The following NRSN2 variants were observed in gnomAD, a reference collection of about 807,000 sequenced individuals.
The protein encoded by NRSN2 is neurensin-2.
NRSN2 carries 10 observed loss-of-function variants against 11.1 expected under a neutral mutation model. The ratio of observed to expected loss-of-function variants is 0.90; its 90% CI spans 0.56 to 1.53. The LOEUF is 1.53. Among genes scored for constraint, NRSN2 ranks in the 40% most tolerant of loss-of-function variants. The pLI is 0.00. For synonymous variants in NRSN2, 100 were observed against 117.0 expected (o/e 0.86, Z 0.94); for missense variants, 260 against 273.7 (o/e 0.95, Z 0.35).
chr20:349,198 T>C (rs2092473), intron 2 of NRSN2, 51 bp from the exon 3 acceptor site: 15,234 of 155,368 alleles, frequency 0.098, 827 homozygotes, highest in Admixed American at 0.12. Flanking sequence ...TTCTCAGCAT[T>C]AGACACAGTA....
chr20:349,979 T>C (rs2013799343), intron 4 of NRSN2, 147 bp downstream of exon 4: 3 of 591,046 alleles, frequency 5.1e-6, no homozygotes, highest in Admixed American at 6.9e-5. Context: ...TTCAAATGGG[T>C]TTAAATAATG....
intron 3 of NRSN2, 128 bp downstream of exon 3, chr20:349,491 A>G (rs553129299): frequency 1.6e-6 from 1 of 608,900 alleles, no homozygotes; most frequent in Admixed American, 3.2e-5. Flanking sequence ...TGGGATTCCA[A>G]AAGGCCAGAC....
At chr20:350,646 C>CAAAAAAAAAA (rs56188179) in intron 4 of NRSN2, among the ~76,000 whole-genome samples, 221 of 39,386 alleles carry the variant, frequency 5.6e-3, no homozygotes, top group Non-Finnish European at 6.5e-3. Flanking sequence ...GACTCTGTCT[C>CAAAAAAAAAA]AAAAAAAAAA....
rs776873208 is a variant in NRSN2, at chr20:349,652, G to A, written c.9G>A (p.Pro3=). The change falls in exon 4 of 5, where the codon CCG becomes CCA. Residue 3 remains proline (P), a synonymous_variant. Transcript: ENST00000382285. MM[P]SCNRSCSCSR... is the part of the protein sequence containing the mutation. ...CTGCTCCCCAGGGGTCCATGATGCC[G>A]AGCTGCAATCGTTCCTGCAGCTGCA... 4.3e-6 allele frequency: 7 copies of A among 1,610,754 alleles called. No homozygotes were observed. The highest frequency in any genetic ancestry group is 1.7e-5 in the Admixed American group (1 of 59,934).
At chr20:353,050 C>T (rs1437544088) in intron 4 of NRSN2, among the ~76,000 whole-genome samples, 160 bp from the exon 5 acceptor site, 1 of 152,086 alleles carries the variant, frequency 6.6e-6, no homozygotes, top group Non-Finnish European at 1.5e-5. Flanking sequence ...CAGTTTATGC[C>T]TCCTGTCAGT....
Position 354,469 on chromosome 20 carries a change from G to A in NRSN2, c.*834G>A, listed in dbSNP as rs1206827950. The A allele has an allele frequency of 2.0e-5, 3 of 152,338 alleles. No individual in the cohort carries two copies. In the East Asian group the frequency reaches 5.8e-4, roughly 29 times the overall value. 9.4% of individuals were successfully genotyped at this position (152,338 alleles called of 1,614,324 possible). A position where few individuals can be genotyped will look rare whatever the true frequency, so the allele number is the denominator to read the frequency against. On this transcript the variant is annotated 3_prime_UTR_variant, in exon 5 of 5. Transcript: ENST00000382285. ...TATACTTTGGATATGGATTTAAATG[G>A]TCTCTAAGAGCCGGGGGTAGGGGGC...
At position 354,383 on chromosome 20, in the gene NRSN2, G is replaced by T. The variant is rs987382763; in HGVS notation, c.*748G>T. 1 of 152,254 alleles carries T rather than the reference G, an allele frequency of 6.6e-6. No individual in the cohort carries two copies. The highest frequency in any genetic ancestry group is 1.5e-5 in the Non-Finnish European group (1 of 68,084). 9.4% of individuals were successfully genotyped at this position (152,254 alleles called of 1,614,324 possible). On this transcript the variant is annotated 3_prime_UTR_variant, in exon 5 of 5. Transcript: ENST00000382285. ...CTGGTTCCCTGAGGGTCCTCAGGGTGGAGGACAGGTTTGGCCCAGAAAGAC... is the reference window on the plus strand; with the variant it reads ...CTGGTTCCCTGAGGGTCCTCAGGGTTGAGGACAGGTTTGGCCCAGAAAGAC...
At position 350,663 on chromosome 20, in the gene NRSN2, AAAAAAAAAAAAAAG is replaced by A. The variant is rs1159511852; in HGVS notation, c.189+838_189+851del. On this transcript the variant is annotated intron_variant, in intron 4 of 4. Transcript: ENST00000382285. The stretch of plus-strand genomic sequence containing the variant: ...CTCTGTCTCAAAAAAAAAAAAAAAA[AAAAAAAAAAAAAAG>A]AAAAAAGAAGGGAAAATGTTGCTCA... 1.0e-3 allele frequency among the ~76,000 whole-genome samples: 122 copies of A among 119,732 alleles called. 3 individuals are homozygous for A. Among genetic ancestry groups the A allele is most frequent in the African/African-American group, 3.8e-3 (118 of 30,810 alleles). The allele number at this position is 119,732 out of a possible 152,430, so 78.5% of individuals were successfully genotyped here.
At position 349,485 on chromosome 20, in the gene NRSN2, A is replaced by T. The variant is rs1600221462; in HGVS notation, c.-7+122A>T. 5 of 592,804 alleles carry T rather than the reference A, an allele frequency of 8.4e-6. No homozygotes were observed. The East Asian group carries it at 1.2e-4, about 14-fold the overall frequency. The allele number at this position is 592,804 out of a possible 1,614,324, so 36.7% of individuals were successfully genotyped here. On this transcript the variant is annotated intron_variant, in intron 3 of 4. Transcript: ENST00000382285. ...TGTGCTTTGGGAAGGACAGGCTGGG[A>T]TTCCAAAAGGCCAGACTGTGCTATG...
In NRSN2 at chr20:347,901, C is replaced by A. The variant is rs45546337; in HGVS notation, c.-122+389C>A. On this transcript the variant is annotated intron_variant, in intron 2 of 4. Transcript: ENST00000382285. The surrounding 1 kb of genome is among the most constrained non-coding windows in gnomAD (Gnocchi z 7.0). ...GGGTGCCTGCGCCCCGCCCCCCGCCCGCCAGACCTACTCCGTGCAGCCCTG... is the reference window on the plus strand; with the variant it reads ...GGGTGCCTGCGCCCCGCCCCCCGCCAGCCAGACCTACTCCGTGCAGCCCTG... 0.051 allele frequency among the ~76,000 whole-genome samples: 7,762 copies of A among 152,176 alleles called. 325 individuals are homozygous for A. The highest frequency in any genetic ancestry group is 0.1 in the African/African-American group (4,316 of 41,528).
intron 2 of NRSN2, among the ~76,000 whole-genome samples, chr20:348,866 A>G (rs2013693196): frequency 6.6e-6 from 1 of 151,564 alleles, no homozygotes; most frequent in Admixed American, 6.6e-5. Flanking sequence ...AAAAAAAAAA[A>G]GGTTATTTGA....
rs1428569288 is a variant in NRSN2 at position 354,567 on chromosome 20, C to T, written c.*932C>T. 1 of 152,330 alleles carries T rather than the reference C, an allele frequency of 6.6e-6. No individual in the cohort carries two copies. The highest frequency in any genetic ancestry group is 1.9e-4 in the East Asian group (1 of 5,180). The allele number at this position is 152,330 out of a possible 1,614,324, so 9.4% of individuals were successfully genotyped here. A position where few individuals can be genotyped will look rare whatever the true frequency, so the allele number is the denominator to read the frequency against. On this transcript the variant is annotated 3_prime_UTR_variant, in exon 5 of 5. Transcript: ENST00000382285. ...CCAAGCCCACGGTCTTGGCCGTGAC[C>T]CTGATAATAAATGGGCTCTCTCAGA...
Position 349,631 on chromosome 20 carries a change from TC to T in NRSN2, c.-6-3del. 6.2e-7 allele frequency: 1 copy of T among 1,602,174 alleles called. No individual in the cohort carries two copies. On this transcript the variant is annotated splice_region_variant and splice_polypyrimidine_tract_variant and intron_variant, in intron 3 of 4. Coordinates refer to ENST00000382285, the MANE Select transcript of NRSN2 (RefSeq NM_001323682.2). Reference sequence around the variant, plus strand: ...CCTCCGTCAGCTGCACCTTACCTGCTCCCCAGGGGTCCATGATGCCGAGCTG... The same window carrying T: ...CCTCCGTCAGCTGCACCTTACCTGCTCCCAGGGGTCCATGATGCCGAGCTG...
intron 2 of NRSN2, among the ~76,000 whole-genome samples, chr20:348,954 G>A (rs1600220389): frequency 6.6e-6 from 1 of 152,068 alleles, no homozygotes; most frequent in East Asian, 1.9e-4. Flanking sequence ...CACTTCCAAT[G>A]GAGTCAAAAT....
intron 4 of NRSN2, among the ~76,000 whole-genome samples, chr20:351,295 G>A (rs548422722): frequency 1.3e-5 from 2 of 152,318 alleles, no homozygotes; most frequent in African/African-American, 4.8e-5. Flanking sequence ...AGCACTTTGA[G>A]AGGCTGAAGC....
intron 4 of NRSN2, among the ~76,000 whole-genome samples, chr20:350,625 C>T (rs1425923478): frequency 2.7e-5 from 3 of 109,234 alleles, no homozygotes; most frequent in African/African-American, 6.9e-5. Context: ...TCCAGCTGGG[C>T]GACAGAACAA....
intron 2 of NRSN2, among the ~76,000 whole-genome samples, chr20:348,910 C>T (rs2013697490): frequency 1.3e-5 from 2 of 152,072 alleles, no homozygotes; most frequent in South Asian, 4.2e-4. Context: ...GCCCTTAAGC[C>T]TAAGAGTCTT....
intron 4 of NRSN2, among the ~76,000 whole-genome samples, chr20:350,646 CAAAAAAA>C (rs56188179): frequency 3.8e-4 from 15 of 39,404 alleles, no homozygotes; most frequent in African/African-American, 1.4e-3. Context: ...GACTCTGTCT[CAAAAAAA>C]AAAAAAAAAA....
chr20:350,433 C>T lies in NRSN2; in HGVS notation c.189+601C>T, dbSNP rs2013843440. On this transcript the variant is annotated intron_variant, in intron 4 of 4. Coordinates refer to ENST00000382285, the MANE Select transcript of NRSN2 (RefSeq NM_001323682.2). ...GGTGGAGGTTGCAGTGAGCTGAGAT[C>T]AATCCATTGCACTCCAGCCTGGGTG... is the stretch of plus-strand genomic sequence containing the variant. Among the ~76,000 whole-genome samples, 5 of 135,728 alleles carry T rather than the reference C, an allele frequency of 3.7e-5. No individual in the cohort carries two copies. The South Asian group carries it at 1.2e-3, about 33-fold the overall frequency. 89.0% of individuals were successfully genotyped at this position (135,728 alleles called of 152,430 possible).
Sources: gnomAD v4.1 joint callset for allele counts (sites outside exome capture counted in the v4.1 genomes callset) on GRCh38, gnomAD v4.1.1 for gene constraint, Gnocchi (gnomAD v3.1) non-coding constraint, MANE v1.5 for transcripts, NCBI Gene and HGNC (gene_info 2026-07-23, HGNC 2026-07-21) for gene names.